Variants in KDM4B observed in about 807,000 individuals in gnomAD.
The protein encoded by KDM4B is lysine demethylase 4B, also known as lysine-specific demethylase 4B.
Under a neutral mutation model 125.2 loss-of-function variants are expected in KDM4B, and 32 were observed. That is an observed-to-expected ratio of 0.26 (90% CI 0.19 to 0.34). KDM4B has a LOEUF of 0.34. KDM4B is among the 10% of genes least tolerant of loss of function. The probability of loss-of-function intolerance (pLI) is 1.00; values close to 1 mark genes in which losing one functional copy is unlikely to be tolerated. For synonymous variants in KDM4B, 721 were observed against 677.9 expected, an observed-to-expected ratio of 1.06 and a Z score of -0.99; for missense variants, 1,190 against 1,577.7, an observed-to-expected ratio of 0.75 and a Z score of 4.16.
intron 21 of KDM4B, among the ~76,000 whole-genome samples, chr19:5,150,119 T>C (rs915448981): frequency 1.3e-5 from 2 of 152,266 alleles, no homozygotes; most frequent in African/African-American, 4.8e-5. Flanking sequence ...GCCCTGCCTC[T>C]GCCCCAGGCT....
intron 9 of KDM4B, among the ~76,000 whole-genome samples, chr19:5,087,666 C>G (rs897338914): frequency 1.3e-5 from 2 of 152,236 alleles, no homozygotes; most frequent in African/African-American, 4.8e-5. Flanking sequence ...CTGAGGGCCC[C>G]CATCTCTGAG....
intron 1 of KDM4B, 143 bp downstream of exon 1, chr19:4,969,373 G>C (rs1957465444): frequency 7.5e-6 from 1 of 133,546 alleles, no homozygotes; most frequent in Admixed American, 7.3e-5. Context: ...GCCGGGCCTC[G>C]CGCTTTGTCC....
intron 2 of KDM4B, among the ~76,000 whole-genome samples, chr19:5,028,235 C>G (rs1306925935): frequency 2.0e-5 from 3 of 152,176 alleles, no homozygotes; most frequent in Non-Finnish European, 4.4e-5. Flanking sequence ...CCTCAGCCCC[C>G]CAGAGTTCTG....
chr19:5,033,065 A>G (rs2036508924), intron 3 of KDM4B, 34 bp downstream of exon 3: 2 of 1,604,594 alleles, frequency 1.2e-6, no homozygotes, highest in Non-Finnish European at 8.5e-7. Context: ...GCGGCCCTCC[A>G]TCAGCCTGCG....
intron 1 of KDM4B, among the ~76,000 whole-genome samples, chr19:4,990,393 C>T (rs2034994617): frequency 6.6e-6 from 1 of 152,224 alleles, no homozygotes; most frequent in South Asian, 2.1e-4. Flanking sequence ...CCGAGGCAGA[C>T]ATGCCCTGAC....
chr19:5,069,384 A>G (rs1365881988), intron 6 of KDM4B, among the ~76,000 whole-genome samples: 2 of 151,714 alleles, frequency 1.3e-5, no homozygotes, highest in Non-Finnish European at 2.9e-5. Context: ...ATCTTGGTTC[A>G]TTGCAACCTC....
At chr19:4,998,674 A>T (rs903049215) in intron 1 of KDM4B, among the ~76,000 whole-genome samples, 2 of 152,218 alleles carry the variant, frequency 1.3e-5, no homozygotes, top group Admixed American at 1.3e-4. Flanking sequence ...TAAGAGTCAG[A>T]AGAGAATCCA....
chr19:5,042,266 T>G (rs553457808), intron 5 of KDM4B, among the ~76,000 whole-genome samples: 1 of 152,238 alleles, frequency 6.6e-6, no homozygotes, highest in East Asian at 1.9e-4. Flanking sequence ...TTTGGGAGAC[T>G]GAGGTGGGCA....
intron 1 of KDM4B, among the ~76,000 whole-genome samples, chr19:4,989,268 G>A (rs916930467): frequency 6.6e-6 from 1 of 152,170 alleles, no homozygotes; most frequent in African/African-American, 2.4e-5. Flanking sequence ...GTGTTCACAC[G>A]TGCTGTTGGC....
chr19:4,973,275 G>A (rs144663993), intron 1 of KDM4B, among the ~76,000 whole-genome samples: 2,153 of 152,144 alleles, frequency 0.014, 52 homozygotes, highest in African/African-American at 0.048. Context: ...TGCAACCTCC[G>A]CCTCCCGGGT....
At chr19:5,031,921 GGGA>G (rs1235150207) in intron 2 of KDM4B, among the ~76,000 whole-genome samples, 2 of 152,196 alleles carry the variant, frequency 1.3e-5, no homozygotes, top group African/African-American at 4.8e-5. Flanking sequence ...TCACAGCGTG[GGGA>G]GGTGGATTTT....
intron 1 of KDM4B, among the ~76,000 whole-genome samples, chr19:4,985,954 C>T (rs1481044422): frequency 2.0e-5 from 3 of 152,236 alleles, no homozygotes; most frequent in Admixed American, 6.5e-5. Context: ...GTTTTTCCCT[C>T]GCTGTCTGGG....
intron 6 of KDM4B, among the ~76,000 whole-genome samples, chr19:5,054,281 G>A (rs1464650005): frequency 2.6e-5 from 4 of 152,144 alleles, no homozygotes; most frequent in South Asian, 2.1e-4. Context: ...GGGTCTCCCC[G>A]TGTTGCCTGG....
intron 5 of KDM4B, among the ~76,000 whole-genome samples, chr19:5,041,518 C>T (rs1040678185): frequency 2.6e-5 from 4 of 152,204 alleles, no homozygotes; most frequent in Admixed American, 2.6e-4. Flanking sequence ...AGCAGCCGGC[C>T]CACAGCGTGT....
rs754237264 is a variant in KDM4B at position 4,997,764 on chromosome 19, C to T, written c.-108-18493C>T. ...GGCTCCAGGACCTCGTCATCAGCCT[C>T]TTCATCCTTACTGTCTGGTCTGTTC... On this transcript the variant is annotated intron_variant, in intron 1 of 22. Transcript: ENST00000159111. This position sits in a 1 kb window ranked among gnomAD's most constrained non-coding sequence, Gnocchi z 4.2. Among the ~76,000 whole-genome samples the T allele has an allele frequency of 1.3e-5, 2 of 152,232 alleles. No individual in the cohort carries two copies. The highest frequency in any genetic ancestry group is 2.9e-5 in the Non-Finnish European group (2 of 68,044).
chr19:5,064,183 C>T (rs554640722), intron 6 of KDM4B, among the ~76,000 whole-genome samples: 38 of 152,296 alleles, frequency 2.5e-4, no homozygotes, highest in African/African-American at 8.2e-4. Flanking sequence ...TTGGATCTGC[C>T]GTGGCCCTCC....
In KDM4B at chr19:4,971,738, GAGC is replaced by G. The variant is rs1430333430; in HGVS notation, c.-109+2511_-109+2513del. Among the ~76,000 whole-genome samples the G allele has an allele frequency of 6.6e-6, 1 of 152,202 alleles. No individual in the cohort carries two copies. The highest frequency in any genetic ancestry group is 1.9e-4 in the East Asian group (1 of 5,188). The stretch of plus-strand genomic sequence containing the variant: ...CCGCTGCCCTCGGGCCCAGCTCAGG[GAGC>G]AGGCAGGAGGAGGCGAGGCTGTTGA... On this transcript the variant is annotated intron_variant, in intron 1 of 22. Coordinates refer to ENST00000159111, the MANE Select transcript of KDM4B (RefSeq NM_015015.3). The surrounding 1 kb of genome is among the most constrained non-coding windows in gnomAD (Gnocchi z 4.1).
At chr19:4,989,619 G>A (rs1306762315) in intron 1 of KDM4B, among the ~76,000 whole-genome samples, 1 of 151,738 alleles carries the variant, frequency 6.6e-6, no homozygotes, top group African/African-American at 2.4e-5. Flanking sequence ...CGGATTACAG[G>A]CATGAGCCAC....
intron 11 of KDM4B, 81 bp from the exon 12 acceptor site, chr19:5,130,995 A>G: frequency 9.3e-7 from 1 of 1,073,580 alleles, no homozygotes; most frequent in African/African-American, 1.6e-5. Flanking sequence ...TCCCAGTCAA[A>G]GTTGGGGGAT....
Sources: allele counts gnomAD v4.1 joint callset (sites outside exome capture counted in the v4.1 genomes callset), GRCh38; gene constraint gnomAD v4.1.1; non-coding constraint Gnocchi (gnomAD v3.1); transcripts MANE v1.5; gene names NCBI Gene and HGNC (gene_info 2026-07-23, HGNC 2026-07-21).